Variants in AKAP12 observed in about 807,000 individuals in gnomAD.
AKAP12 encodes A-kinase anchor protein 12.
Under a neutral mutation model 79.9 loss-of-function variants are expected in AKAP12, and 32 were observed. The observed-to-expected ratio is 0.40, with a 90% CI of 0.30 to 0.54. The LOEUF (loss-of-function observed/expected upper bound fraction) is 0.54, where lower values mean the gene tolerates loss of function less well. Among genes scored for constraint, AKAP12 ranks in the 20% least tolerant of loss-of-function variants. The pLI, the probability that AKAP12 is intolerant of heterozygous loss-of-function variation, is 0.48. For synonymous variants in AKAP12, 808 were observed against 857.0 expected (o/e 0.94, Z 1.00); for missense variants, 2,074 against 2,177.0 (o/e 0.95, Z 0.94).
chr6:151,347,949 A>C (rs1778146491), intron 3 of AKAP12, among the ~76,000 whole-genome samples: 1 of 152,018 alleles, frequency 6.6e-6, no homozygotes. Context: ...AGGTGGGTGG[A>C]TCACGAGGTC....
At position 151,345,895 on chromosome 6, in the gene AKAP12, A is replaced by ATGTG. The variant is rs367643775; in HGVS notation, c.320-2781_320-2778dup. ...TCATATGTGAAGGATGTGTGTGTAT[A>ATGTG]TGTGTGTGTGTGTGTGTGTGTGTGT... On this transcript the variant is annotated intron_variant, in intron 3 of 4. Transcript: ENST00000402676. Among the ~76,000 whole-genome samples the ATGTG allele has an allele frequency of 3.2e-3, 418 of 128,906 alleles. 4 individuals are homozygous for ATGTG. The highest frequency in any genetic ancestry group is 0.022 in the East Asian group (97 of 4,470). 84.6% of individuals were successfully genotyped at this position (128,906 alleles called of 152,430 possible). A position where few individuals can be genotyped will look rare whatever the true frequency, so the allele number is the denominator to read the frequency against.
intron 3 of AKAP12, 29 bp from the exon 4 acceptor site, chr6:151,348,682 C>CTCA: frequency 5.0e-6 from 1 of 198,918 alleles, no homozygotes; most frequent in Non-Finnish European, 9.9e-6. Context: ...TTCTCTTCTC[C>CTCA]CCACCCCCCC....
At chr6:151,301,146 C>T (rs1776856534) in intron 2 of AKAP12, among the ~76,000 whole-genome samples, 1 of 152,138 alleles carries the variant, frequency 6.6e-6, no homozygotes, top group South Asian at 2.1e-4. Context: ...CATCTGGTTC[C>T]ACCGCCTCCT....
intron 2 of AKAP12, among the ~76,000 whole-genome samples, chr6:151,282,583 A>G (rs1582854172): frequency 6.6e-6 from 1 of 152,236 alleles, no homozygotes; most frequent in Non-Finnish European, 1.5e-5. Flanking sequence ...GGTGGATGTT[A>G]ATTTCAGGAA....
rs149525947 is a variant in AKAP12 at position 151,349,490 on chromosome 6, G to A, written c.1099G>A (p.Glu367Lys). Residue 367 changes from glutamate to lysine, a missense_variant, in exon 4 of 5, where the codon GAG becomes AAG. Coordinates refer to ENST00000402676, the MANE Select transcript of AKAP12 (RefSeq NM_005100.4). ...HPQEPAESAH[E>K]PRLSAEYEKV... Reference sequence around the variant, plus strand: ...ACAGGAGCCGGCAGAAAGTGCCCACGAGCCCCGGTTATCAGCTGAATATGA... The same window carrying A: ...ACAGGAGCCGGCAGAAAGTGCCCACAAGCCCCGGTTATCAGCTGAATATGA... 5.0e-4 allele frequency: 808 copies of A among 1,608,182 alleles called. 5 individuals are homozygous for A. In the Admixed American group the frequency reaches 0.01, roughly 21 times the overall value.
chr6:151,273,081 G>A (rs1225789285), intron 2 of AKAP12, among the ~76,000 whole-genome samples: 2 of 152,054 alleles, frequency 1.3e-5, no homozygotes, highest in South Asian at 2.1e-4. Context: ...CTAATTTTTT[G>A]TATTTTTAGT....
intron 2 of AKAP12, among the ~76,000 whole-genome samples, chr6:151,282,861 T>TTA (rs1776435766): frequency 6.6e-6 from 1 of 152,248 alleles, no homozygotes; most frequent in Non-Finnish European, 1.5e-5. Context: ...GTGTATTATG[T>TTA]ATAAAGTGCT....
In AKAP12 at chr6:151,349,014, G is replaced by A. The variant is rs2114822610; in HGVS notation, c.623G>A (p.Gly208Glu). 1 of 1,607,224 alleles carries A rather than the reference G, an allele frequency of 6.2e-7. No homozygotes were observed. The highest frequency in any genetic ancestry group is 8.5e-7 in the Non-Finnish European group (1 of 1,174,052). Residue 208 changes from glycine to glutamate, a missense_variant, in exon 4 of 5, where the codon GGA becomes GAA. This residue lies in a region of AKAP12 where 1,428 missense variants were observed against 1,451.0 expected (regional missense o/e 0.98). Transcript: ENST00000402676. ...ACTGTGAAGAAAGATGAAGGGGAGG[G>A]AGCAGCAGGGGCTGGCGACCACAAG... is the stretch of plus-strand genomic sequence containing the variant. Reference protein sequence around the residue: ...LLTVKKDEGEGAAGAGDHKDP... With the variant: ...LLTVKKDEGEEAAGAGDHKDP...
intron 2 of AKAP12, among the ~76,000 whole-genome samples, chr6:151,273,375 C>T (rs1776228920): frequency 6.6e-6 from 1 of 152,146 alleles, no homozygotes; most frequent in Non-Finnish European, 1.5e-5. Flanking sequence ...GGCTGAGTTT[C>T]CCTGTGGGGT....
chr6:151,278,800 T>G (rs918799877), intron 2 of AKAP12, among the ~76,000 whole-genome samples: 7 of 152,054 alleles, frequency 4.6e-5, no homozygotes, highest in African/African-American at 1.7e-4. Flanking sequence ...CCCGAGTAGC[T>G]GGGAGTACAG....
chr6:151,330,752 T>C (rs1215828416), intron 3 of AKAP12, among the ~76,000 whole-genome samples: 2 of 152,100 alleles, frequency 1.3e-5, no homozygotes, highest in Non-Finnish European at 2.9e-5. Context: ...CTTTTAAGCC[T>C]CTAAAAGAAA....
chr6:151,348,680 T>TTTCC, intron 3 of AKAP12, 31 bp from the exon 4 acceptor site: 1 of 355,202 alleles, frequency 2.8e-6, no homozygotes, highest in South Asian at 3.0e-5. Flanking sequence ...TTTTCTCTTC[T>TTTCC]CCCCACCCCC....
At chr6:151,312,540 C>G (rs113913157) in intron 3 of AKAP12, among the ~76,000 whole-genome samples, 1 of 151,826 alleles carries the variant, frequency 6.6e-6, no homozygotes, top group African/African-American at 2.4e-5. Context: ...GCCTGTAATC[C>G]CCACACTTTG....
chr6:151,344,010 CT>C (rs749019837), intron 3 of AKAP12: 12 of 419,892 alleles, frequency 2.9e-5, no homozygotes, highest in Non-Finnish European at 4.5e-5. Flanking sequence ...TGGACTTTCT[CT>C]TTGAATATTT....
At chr6:151,288,265 A>G (rs1776546441) in intron 2 of AKAP12, among the ~76,000 whole-genome samples, 1 of 152,038 alleles carries the variant, frequency 6.6e-6, no homozygotes, top group African/African-American at 2.4e-5. Flanking sequence ...TGGTAATCCC[A>G]ACACTTTGGA....
chr6:151,321,903 GTTTTTTTTTTTT>G (rs11415941), intron 3 of AKAP12, among the ~76,000 whole-genome samples: 6 of 67,358 alleles, frequency 8.9e-5, no homozygotes, highest in Non-Finnish European at 1.4e-4. Context: ...TCAGCTTTAT[GTTTTTTTTTTTT>G]TTTTTTTTTT....
At chr6:151,241,325 T>C (rs1796971500) in intron 2 of AKAP12, among the ~76,000 whole-genome samples, 1 of 152,214 alleles carries the variant, frequency 6.6e-6, no homozygotes, top group Admixed American at 6.5e-5. Context: ...TGTAGCTCGC[T>C]CAGAGCCAGG....
chr6:151,250,134 A>G (rs1300670513), intron 2 of AKAP12, among the ~76,000 whole-genome samples: 1 of 152,080 alleles, frequency 6.6e-6, no homozygotes, highest in Non-Finnish European at 1.5e-5. Context: ...AATTCCAGCT[A>G]GTTGGGAGGC....
intron 3 of AKAP12, chr6:151,320,017 G>A (rs1292214184): frequency 1.3e-5 from 2 of 152,162 alleles, no homozygotes; most frequent in African/African-American, 4.8e-5. Flanking sequence ...GAGAGGAGAG[G>A]AGGCCAGGGA....
Sources: gnomAD v4.1 joint callset for allele counts (sites outside exome capture counted in the v4.1 genomes callset) on GRCh38, gnomAD v4.1.1 for gene constraint, gnomAD v4.1.1 regional missense constraint, MANE v1.5 for transcripts, NCBI Gene and HGNC (gene_info 2026-07-23, HGNC 2026-07-21) for gene names.